Variants in LOC128092253 observed in about 807,000 individuals in gnomAD.
At chr6:133,963,461 A>G in the LOC128092253 span, among the ~76,000 whole-genome samples, 6 of 152,112 alleles carry the variant, frequency 3.9e-5, no homozygotes, top group East Asian at 1.9e-4. Flanking sequence ...GTCTCACTCT[A>G]TAGCCCAGAC....
the LOC128092253 span, among the ~76,000 whole-genome samples, chr6:133,975,485 A>G: frequency 6.6e-6 from 1 of 152,212 alleles, no homozygotes; most frequent in Non-Finnish European, 1.5e-5. Context: ...TCTTCAGGTA[A>G]CGTCTTCTAA....
chr6:133,974,032 G>T, the LOC128092253 span, among the ~76,000 whole-genome samples: 2 of 146,262 alleles, frequency 1.4e-5, no homozygotes, highest in Admixed American at 1.4e-4. Flanking sequence ...TCACCCTGCT[G>T]TGCCAATTCT....
chr6:133,963,013 A>AT, the LOC128092253 span, among the ~76,000 whole-genome samples: 1 of 152,230 alleles, frequency 6.6e-6, no homozygotes, highest in Non-Finnish European at 1.5e-5. Flanking sequence ...CCAGTGCTTT[A>AT]TGCTCTAGAG....
the LOC128092253 span, chr6:133,979,990 A>G: frequency 1.0e-6 from 1 of 976,262 alleles, no homozygotes; most frequent in Non-Finnish European, 1.4e-6. Context: ...AATAAATAAT[A>G]TAGATTCATT....
chr6:133,963,845 G>A, the LOC128092253 span, among the ~76,000 whole-genome samples: 1 of 150,888 alleles, frequency 6.6e-6, no homozygotes, highest in Non-Finnish European at 1.5e-5. Context: ...CCTGGCTAAC[G>A]TGGTGAAACG....
chr6:133,955,410 A>G, the LOC128092253 span, among the ~76,000 whole-genome samples: 3 of 151,986 alleles, frequency 2.0e-5, no homozygotes, highest in Non-Finnish European at 2.9e-5. Flanking sequence ...ATGATTTTTT[A>G]TGCTGTATCA....
At chr6:133,974,977 T>C in the LOC128092253 span, among the ~76,000 whole-genome samples, 1 of 152,206 alleles carries the variant, frequency 6.6e-6, no homozygotes, top group Admixed American at 6.5e-5. Context: ...TATAATTGTC[T>C]TAAATGTTTA....
the LOC128092253 span, among the ~76,000 whole-genome samples, chr6:133,978,984 T>C: frequency 6.6e-6 from 1 of 152,202 alleles, no homozygotes; most frequent in Non-Finnish European, 1.5e-5. Context: ...AGTGTGAAAA[T>C]GCAAAGAGAG....
chr6:133,977,084 G>A, the LOC128092253 span, among the ~76,000 whole-genome samples: 3 of 152,016 alleles, frequency 2.0e-5, no homozygotes, highest in African/African-American at 4.8e-5. Flanking sequence ...GTAAATCTTT[G>A]TTAATATCCA....
At chr6:133,958,907 T>G in the LOC128092253 span, among the ~76,000 whole-genome samples, 1 of 152,230 alleles carries the variant, frequency 6.6e-6, no homozygotes, top group Non-Finnish European at 1.5e-5. Context: ...CTAAGGAGGT[T>G]GGCAAATATG....
chr6:133,961,208 C>T, the LOC128092253 span, among the ~76,000 whole-genome samples: 1 of 152,124 alleles, frequency 6.6e-6, no homozygotes, highest in Non-Finnish European at 1.5e-5. Flanking sequence ...CTCAGTTGTT[C>T]TTAAGGTATT....
chr6:133,966,452 C>T, the LOC128092253 span, among the ~76,000 whole-genome samples: 1 of 152,100 alleles, frequency 6.6e-6, no homozygotes, highest in Non-Finnish European at 1.5e-5. Flanking sequence ...TTAAATTTCA[C>T]CCATGATGGT....
the LOC128092253 span, among the ~76,000 whole-genome samples, chr6:133,961,465 C>CTTTTTTTTT: frequency 8.0e-5 from 8 of 100,204 alleles, no homozygotes; most frequent in South Asian, 3.1e-4. Flanking sequence ...TTCTTTCTTT[C>CTTTTTTTTT]TTTTTTTTTT....
chr6:133,969,138 TG>T, the LOC128092253 span, among the ~76,000 whole-genome samples: 1 of 152,194 alleles, frequency 6.6e-6, no homozygotes, highest in African/African-American at 2.4e-5. Context: ...TGTAAACCAT[TG>T]AACTTATCTT....
chr6:133,976,899 C>G, the LOC128092253 span, among the ~76,000 whole-genome samples: 1 of 149,440 alleles, frequency 6.7e-6, no homozygotes, highest in Admixed American at 6.8e-5. Flanking sequence ...ATCCAGGAGG[C>G]GGAGGTTGCC....
chr6:133,957,941 G>T, the LOC128092253 span, among the ~76,000 whole-genome samples: 848 of 152,310 alleles, frequency 5.6e-3, 12 homozygotes, highest in African/African-American at 0.019. Context: ...TCTTTGGTTG[G>T]GAGGCTTTCT....
the LOC128092253 span, among the ~76,000 whole-genome samples, chr6:133,953,754 C>T: frequency 6.6e-6 from 1 of 150,980 alleles, no homozygotes; most frequent in African/African-American, 2.4e-5. Context: ...GTTTAAGCCA[C>T]CACTGGGAAA....
chr6:133,965,158 T>C, the LOC128092253 span, among the ~76,000 whole-genome samples: 7 of 152,230 alleles, frequency 4.6e-5, no homozygotes, highest in Admixed American at 2.0e-4. Context: ...AATTATGCTG[T>C]TTTGTTAGCA....
At chr6:133,957,799 G>T in the LOC128092253 span, among the ~76,000 whole-genome samples, 3 of 152,208 alleles carry the variant, frequency 2.0e-5, no homozygotes, top group Non-Finnish European at 4.4e-5. Flanking sequence ...ACGTTACAGG[G>T]TTGCTGTGAG....
Sources: gnomAD v4.1 joint callset for allele counts (sites outside exome capture counted in the v4.1 genomes callset) on GRCh38, gnomAD v4.1.1 for gene constraint, MANE v1.5 for transcripts.